CTNND2: variants seen among roughly 807,000 people sequenced by gnomAD.
CTNND2 encodes catenin delta 2, also known as catenin delta-2.
CTNND2 carries 22 observed loss-of-function variants against 144.4 expected under a neutral mutation model. The observed-to-expected ratio is 0.15, with a 90% CI of 0.11 to 0.22. CTNND2 has a LOEUF of 0.22. Among genes scored for constraint, CTNND2 ranks in the 10% least tolerant of loss-of-function variants. CTNND2 has a pLI of 1.00. For missense variants in CTNND2, 1,353 were observed against 1,618.8 expected, an observed-to-expected ratio of 0.84 and a Z score of 2.82; for synonymous variants, 751 against 695.6, an observed-to-expected ratio of 1.08 and a Z score of -1.25.
intron 14 of CTNND2, among the ~76,000 whole-genome samples, chr5:11,099,560 T>G (rs2149667549): frequency 6.6e-6 from 1 of 152,308 alleles, no homozygotes; most frequent in Middle Eastern, 3.4e-3. Flanking sequence ...CAAAGTAGTA[T>G]GGGATTTGCA....
At chr5:11,247,227 G>A (rs1743093990) in intron 9 of CTNND2, among the ~76,000 whole-genome samples, 1 of 152,190 alleles carries the variant, frequency 6.6e-6, no homozygotes, top group African/African-American at 2.4e-5. Flanking sequence ...GGGGCAGATG[G>A]TGGCTCAGCC....
intron 21 of CTNND2, among the ~76,000 whole-genome samples, chr5:10,976,080 C>A (rs1357043602): frequency 1.4e-5 from 2 of 142,112 alleles, no homozygotes; most frequent in Non-Finnish European, 3.1e-5. Flanking sequence ...ACAGGTGACA[C>A]GTGTCACTGC....
intron 9 of CTNND2, among the ~76,000 whole-genome samples, chr5:11,267,075 C>T (rs375559592): frequency 2.0e-5 from 3 of 152,182 alleles, no homozygotes; most frequent in Non-Finnish European, 2.9e-5. Context: ...GATGGGTTTT[C>T]GCCATGTTGG....
intron 9 of CTNND2, among the ~76,000 whole-genome samples, chr5:11,328,201 C>A (rs923811985): frequency 1.2e-4 from 18 of 151,700 alleles, no homozygotes; most frequent in Non-Finnish European, 2.1e-4. Flanking sequence ...ATCTCATTTT[C>A]TACATCTTAC....
intron 2 of CTNND2, among the ~76,000 whole-genome samples, chr5:11,706,183 C>A (rs1229757749): frequency 2.0e-5 from 3 of 152,156 alleles, no homozygotes; most frequent in African/African-American, 7.2e-5. Context: ...CCAGCCAACC[C>A]TTGATTGCAG....
chr5:11,128,824 T>TA (rs1755012736), intron 12 of CTNND2, among the ~76,000 whole-genome samples: 1 of 56,754 alleles, frequency 1.8e-5, no homozygotes, highest in Non-Finnish European at 3.7e-5. Flanking sequence ...ATAATATATA[T>TA]TATATATTAT....
At chr5:11,816,500 T>C (rs1015773014) in intron 1 of CTNND2, among the ~76,000 whole-genome samples, 4 of 150,358 alleles carry the variant, frequency 2.7e-5, no homozygotes, top group Admixed American at 6.6e-5. Context: ...GCAGTCAGCA[T>C]CTGGGGTGCC....
intron 1 of CTNND2, among the ~76,000 whole-genome samples, chr5:11,770,218 C>A (rs1789840366): frequency 6.6e-6 from 1 of 152,056 alleles, no homozygotes; most frequent in South Asian, 2.1e-4. Flanking sequence ...AGAATGGAAA[C>A]CTGGTCTCTG....
chr5:11,892,968 A>G (rs1294807106), intron 1 of CTNND2, among the ~76,000 whole-genome samples: 1 of 152,190 alleles, frequency 6.6e-6, no homozygotes, highest in Non-Finnish European at 1.5e-5. Flanking sequence ...AACTTTGCTT[A>G]TATTTCCTCC....
intron 1 of CTNND2, among the ~76,000 whole-genome samples, chr5:11,835,669 T>C (rs538398458): frequency 7.2e-5 from 11 of 152,334 alleles, no homozygotes; most frequent in African/African-American, 2.6e-4. Context: ...CCCAGTTTTG[T>C]TGCTAGTGTC....
chr5:11,650,119 G>A (rs967124327), intron 2 of CTNND2, among the ~76,000 whole-genome samples: 1 of 152,130 alleles, frequency 6.6e-6, no homozygotes, highest in Non-Finnish European at 1.5e-5. Flanking sequence ...GGGGCCTGGT[G>A]GAACATGATT....
chr5:11,332,951 C>T (rs939296860), intron 9 of CTNND2, among the ~76,000 whole-genome samples: 1 of 152,232 alleles, frequency 6.6e-6, no homozygotes, highest in Non-Finnish European at 1.5e-5. Context: ...CTTTCACGTT[C>T]TGTCACGATT....
intron 9 of CTNND2, among the ~76,000 whole-genome samples, chr5:11,245,436 G>GGGACGCAGAGGGAGACT: frequency 6.6e-6 from 1 of 152,146 alleles, no homozygotes; most frequent in Non-Finnish European, 1.5e-5. Flanking sequence ...CCTAAGAAGA[G>GGGACGCAGAGGGAGACT]GGACGCAGAG....
At chr5:11,345,178 C>T (rs765710751) in intron 9 of CTNND2, among the ~76,000 whole-genome samples, 6 of 152,062 alleles carry the variant, frequency 3.9e-5, no homozygotes, top group Admixed American at 2.0e-4. Context: ...GCCATACATG[C>T]CAAGAATACT....
chr5:11,081,030 T>C (rs1749490979), intron 16 of CTNND2, among the ~76,000 whole-genome samples: 1 of 151,352 alleles, frequency 6.6e-6, no homozygotes. Flanking sequence ...TAAGTCAAGA[T>C]TATGCCACTG....
At chr5:11,621,420 C>A (rs1047987434) in intron 2 of CTNND2, among the ~76,000 whole-genome samples, 5 of 151,932 alleles carry the variant, frequency 3.3e-5, no homozygotes, top group Non-Finnish European at 4.4e-5. Flanking sequence ...AAAATTAATG[C>A]AGAGTTGATT....
chr5:11,238,511 T>C (rs992356156), intron 9 of CTNND2, among the ~76,000 whole-genome samples: 1 of 152,194 alleles, frequency 6.6e-6, no homozygotes, highest in Non-Finnish European at 1.5e-5. Flanking sequence ...TTTATCACAG[T>C]TGGTAGAGGT....
chr5:11,184,186 G>C (rs945241515), intron 11 of CTNND2, among the ~76,000 whole-genome samples: 5 of 152,120 alleles, frequency 3.3e-5, no homozygotes, highest in Non-Finnish European at 5.9e-5. Flanking sequence ...TAAGAATAAA[G>C]GATGGGGGAT....
At chr5:11,257,885 C>T (rs1744440854) in intron 9 of CTNND2, among the ~76,000 whole-genome samples, 1 of 152,184 alleles carries the variant, frequency 6.6e-6, no homozygotes, top group African/African-American at 2.4e-5. Flanking sequence ...AGGCACCTGA[C>T]AGTCTCCATG....
Sources: allele counts gnomAD v4.1 joint callset (sites outside exome capture counted in the v4.1 genomes callset), GRCh38; gene constraint gnomAD v4.1.1; transcripts MANE v1.5; gene names NCBI Gene and HGNC (gene_info 2026-07-23, HGNC 2026-07-21).